The following CCDC157 variants were observed in gnomAD, a reference collection of about 807,000 sequenced individuals.
CCDC157 encodes coiled-coil domain-containing protein 157.
A neutral mutation model predicts 70.9 loss-of-function variants in CCDC157; 60 were observed. The observed-to-expected ratio is 0.85, with a 90% CI of 0.69 to 1.05. CCDC157 has a LOEUF of 1.05. Ranked by LOEUF, CCDC157 falls within the 50% of genes least tolerant of loss-of-function variation. The pLI, the probability that CCDC157 is intolerant of heterozygous loss-of-function variation, is 0.00. For synonymous variants in CCDC157, 373 were observed against 422.4 expected (o/e 0.88, Z 1.43); for missense variants, 943 against 984.2 (o/e 0.96, Z 0.56).
chr22:30,376,311 C>T lies in CCDC157; in HGVS notation c.1910C>T (p.Ala637Val). The change falls in exon 11 of 12, where the codon GCA becomes GTA. Residue 637 changes from alanine (A) to valine (V), a missense_variant. Coordinates refer to ENST00000338306, the MANE Select transcript of CCDC157 (RefSeq NM_001017437.5). The stretch of plus-strand genomic sequence containing the variant: ...CCTTCCAGCAAGGGAACCCAGGGAG[C>T]AACACCACCAGTCCAGGCCAAGAGC... ...WSPSSKGTQG[A>V]TPPVQAKSTS... is the part of the protein sequence containing the mutation. 6.2e-7 allele frequency: 1 copy of T among 1,612,908 alleles called. No individual in the cohort carries two copies. The highest frequency in any genetic ancestry group is 8.5e-7 in the Non-Finnish European group (1 of 1,179,758).
chr22:30,377,585 C>T lies in CCDC157; in HGVS notation c.*840C>T, dbSNP rs1040858877. On this transcript the variant is annotated 3_prime_UTR_variant, in exon 12 of 12. Coordinates refer to ENST00000338306, the MANE Select transcript of CCDC157 (RefSeq NM_001017437.5). ...GCTCCCAAATGCCTGAAGCATTTTC[C>T]CTTGGTGAAGAGGCCGTCAGGTAGA... 6.5e-6 allele frequency: 1 copy of T among 153,576 alleles called. No individual in the cohort carries two copies. Among genetic ancestry groups the T allele is most frequent in the East Asian group, 1.9e-4 (1 of 5,226 alleles). The allele number at this position is 153,576 out of a possible 1,614,324, so 9.5% of individuals were successfully genotyped here.
Position 30,374,086 on chromosome 22 carries a change from T to C in CCDC157, c.1667T>C (p.Ile556Thr), listed in dbSNP as rs945057855. ...CTGCACAGGCCCACCGAGACCCAGA[T>C]CCATGGTAGGGGACTGGGGATGGTG... Reference protein sequence around the residue: ...PDLHRPTETQIHGGRSSSVES... With the variant: ...PDLHRPTETQTHGGRSSSVES... The change falls in exon 9 of 12, where the codon ATC (isoleucine) becomes ACC (threonine). Residue 556 changes from isoleucine (I) to threonine (T), a missense_variant. Ile to Thr is a moderately conservative substitution (Grantham distance 89). Transcript: ENST00000338306. The C allele has an allele frequency of 5.0e-6, 8 of 1,594,392 alleles. No homozygotes were observed. Among genetic ancestry groups the C allele is most frequent in the Non-Finnish European group, 6.0e-6 (7 of 1,172,260 alleles).
rs1447733985 is a variant in CCDC157 at position 30,375,102 on chromosome 22, G to A, written c.1673-377G>A. On this transcript the variant is annotated intron_variant, in intron 9 of 11. Coordinates refer to ENST00000338306, the MANE Select transcript of CCDC157 (RefSeq NM_001017437.5). ...GCCTCCTGAGTAGCTGGGACTACGGGGGCCCGCCACCACACCCAGCTCATT... is the reference window on the plus strand; with the variant it reads ...GCCTCCTGAGTAGCTGGGACTACGGAGGCCCGCCACCACACCCAGCTCATT... 1.0e-5 allele frequency: 3 copies of A among 294,660 alleles called. No homozygotes were observed. The East Asian group carries it at 2.9e-4, about 29-fold the overall frequency. 18.3% of individuals were successfully genotyped at this position (294,660 alleles called of 1,614,324 possible).
intron 3 of CCDC157, 192 bp downstream of exon 3, chr22:30,366,440 T>C (rs1484296228): frequency 4.4e-6 from 3 of 679,404 alleles, no homozygotes. Flanking sequence ...TTGTGTTGTG[T>C]GCTGTGCTAT....
chr22:30,374,472 C>T (rs1185016725), intron 9 of CCDC157: 13 of 472,650 alleles, frequency 2.8e-5, no homozygotes, highest in South Asian at 1.4e-4. Flanking sequence ...GGGACTAGTC[C>T]CAAGGACACA....
At chr22:30,359,912 A>G (rs1932211503) in intron 1 of CCDC157, among the ~76,000 whole-genome samples, 1 of 152,226 alleles carries the variant, frequency 6.6e-6, no homozygotes, top group African/African-American at 2.4e-5. Flanking sequence ...TGAGAGGACA[A>G]GACGAAAAGA....
In CCDC157 at chr22:30,376,563, C is replaced by T. The variant is rs1231088201; in HGVS notation, c.2077C>T (p.Pro693Ser). ...GCCCTGCACATCCCCACCTCGGCAG[C>T]CCTGCACATCCCCATCTCGGCAGCC... Reference protein sequence around the residue: ...RQPCTSPPRQPCTSPSRQPCS... With the variant: ...RQPCTSPPRQSCTSPSRQPCS... The change falls in exon 12 of 12, where the codon CCC (proline) becomes TCC (serine). Residue 693 changes from proline (P) to serine (S), a missense_variant. By Grantham distance (74) the Pro-to-Ser change is moderately conservative. Coordinates refer to ENST00000338306, the MANE Select transcript of CCDC157 (RefSeq NM_001017437.5). 4.3e-6 allele frequency: 7 copies of T among 1,613,404 alleles called. No individual in the cohort carries two copies. In the East Asian group the frequency reaches 1.6e-4, roughly 36 times the overall value.
At chr22:30,374,991 ACT>A (rs1261464833) in intron 9 of CCDC157, 1 of 309,916 alleles carries the variant, frequency 3.2e-6, no homozygotes, top group Admixed American at 5.2e-5. Context: ...ACAGAGTCTC[ACT>A]CTGTTGCCAG....
chr22:30,370,274 C>T (rs1932876016), intron 4 of CCDC157, 52 bp from the exon 5 acceptor site: 3 of 1,588,042 alleles, frequency 1.9e-6, no homozygotes, highest in Non-Finnish European at 2.6e-6. Context: ...CCAGTCACCT[C>T]CCTCTCTACT....
chr22:30,373,742 A>C lies in CCDC157; in HGVS notation c.1481A>C (p.Gln494Pro), dbSNP rs1190078991. ...EQLQSEREQG[Q>P]CQLRAQQELL... ...CTGCAGAGCGAGCGGGAGCAGGGGC[A>C]ATGCCAGCTCAGGGCCCAGCAGGTG... The change falls in exon 8 of 12, where the codon CAA (glutamine) becomes CCA (proline). Residue 494 changes from glutamine (Q) to proline (P), a missense_variant. Gln to Pro is a moderately conservative substitution (Grantham distance 76). Coordinates refer to ENST00000338306, the MANE Select transcript of CCDC157 (RefSeq NM_001017437.5). The C allele has an allele frequency of 6.4e-7, 1 of 1,553,912 alleles. No individual in the cohort carries two copies. Among genetic ancestry groups the C allele is most frequent in the Non-Finnish European group, 8.7e-7 (1 of 1,149,060 alleles).
Position 30,377,810 on chromosome 22 carries a change from GGA to G in CCDC157, c.*1066_*1067del. ...AGGCCTGTGCTCAAGTCCAGGGGAA[GGA>G]CCTCACAGCTGAGTAGCTCTCTCAG... On this transcript the variant is annotated 3_prime_UTR_variant, in exon 12 of 12. Coordinates refer to ENST00000338306, the MANE Select transcript of CCDC157 (RefSeq NM_001017437.5). 7.3e-6 allele frequency: 2 copies of G among 272,364 alleles called. No individual in the cohort carries two copies. The highest frequency in any genetic ancestry group is 3.5e-5 in the South Asian group (1 of 28,494). The allele number at this position is 272,364 out of a possible 1,614,324, so 16.9% of individuals were successfully genotyped here. A position where few individuals can be genotyped will look rare whatever the true frequency, so the allele number is the denominator to read the frequency against.
Position 30,366,043 on chromosome 22 carries a change from C to T in CCDC157, c.43C>T (p.Arg15Cys), listed in dbSNP as rs773932430. The change falls in exon 3 of 12, where the codon CGC becomes TGC. Residue 15 changes from arginine (R) to cysteine (C), a missense_variant. Arg to Cys is a radical substitution (Grantham distance 180). Transcript: ENST00000338306. ...CAGCCAGGCCTGCATGGAGAGCCTG[C>T]GCACAGACCTCACCGACCTGCAGGG... ...LGSQACMESL[R>C]TDLTDLQGAI... 37 of 1,604,746 alleles carry T rather than the reference C, an allele frequency of 2.3e-5. No individual in the cohort carries two copies. The highest frequency in any genetic ancestry group is 3.3e-5 in the South Asian group (3 of 91,064).
At position 30,378,038 on chromosome 22, in the gene CCDC157, G is replaced by A. The variant is rs897775755; in HGVS notation, c.*1293G>A. The A allele has an allele frequency of 3.5e-5, 16 of 458,574 alleles. No individual in the cohort carries two copies. The highest frequency in any genetic ancestry group is 1.4e-4 in the East Asian group (2 of 14,250). The allele number at this position is 458,574 out of a possible 1,614,324, so 28.4% of individuals were successfully genotyped here. A position where few individuals can be genotyped will look rare whatever the true frequency, so the allele number is the denominator to read the frequency against. On this transcript the variant is annotated 3_prime_UTR_variant, in exon 12 of 12. Transcript: ENST00000338306. ...TTGTTGGCAGAATTCCGATCCTTGCGGCTGTGGGACTGAGGTCCCCATGTC... is the reference window on the plus strand; with the variant it reads ...TTGTTGGCAGAATTCCGATCCTTGCAGCTGTGGGACTGAGGTCCCCATGTC...
Position 30,370,575 on chromosome 22 carries a change from T to G in CCDC157, c.670T>G (p.Cys224Gly), listed in dbSNP as rs751729371. 4.3e-6 allele frequency: 7 copies of G among 1,614,004 alleles called. No homozygotes were observed. The highest frequency in any genetic ancestry group is 5.9e-6 in the Non-Finnish European group (7 of 1,180,028). Residue 224 changes from cysteine (C) to glycine (G), a missense_variant, in exon 5 of 12, where the codon TGC becomes GGC. Coordinates refer to ENST00000338306, the MANE Select transcript of CCDC157 (RefSeq NM_001017437.5). ...IETALVPCDACASVQGSLQKV... is the reference protein window; with the variant it reads ...IETALVPCDAGASVQGSLQKV... ...GACGGCCCTGGTGCCCTGTGACGCA[T>G]GCGCCAGCGTCCAGGGAAGCCTGCA...
intron 2 of CCDC157, 32 bp from the exon 3 acceptor site, chr22:30,365,958 T>C (rs1373421028): frequency 1.3e-6 from 2 of 1,535,990 alleles, no homozygotes; most frequent in Non-Finnish European, 1.7e-6. Flanking sequence ...CACGTGGCTC[T>C]GGCTGGCAGG....
chr22:30,377,141 G>T lies in CCDC157; in HGVS notation c.*396G>T, dbSNP rs1342645542. On this transcript the variant is annotated 3_prime_UTR_variant, in exon 12 of 12. Coordinates refer to ENST00000338306, the MANE Select transcript of CCDC157 (RefSeq NM_001017437.5). ...CTCAGGAAGGGGTCAGGTGGGAGTG[G>T]ACAGAGGAAGGGCCGGTGAGGATGT... The T allele has an allele frequency of 4.2e-6, 1 of 235,396 alleles. No individual in the cohort carries two copies. The highest frequency in any genetic ancestry group is 8.4e-6 in the Non-Finnish European group (1 of 118,652). The allele number at this position is 235,396 out of a possible 1,614,324, so 14.6% of individuals were successfully genotyped here. A position where few individuals can be genotyped will look rare whatever the true frequency, so the allele number is the denominator to read the frequency against.
chr22:30,376,875 C>T lies in CCDC157; in HGVS notation c.*130C>T. On this transcript the variant is annotated 3_prime_UTR_variant, in exon 12 of 12. Coordinates refer to ENST00000338306, the MANE Select transcript of CCDC157 (RefSeq NM_001017437.5). ...TGAGCCAAGGAAAGAACCCTTCCTT[C>T]CCTGTCCTGGGCAGGGGCCACTGAG... The T allele has an allele frequency of 1.0e-6, 1 of 956,622 alleles. No individual in the cohort carries two copies. The highest frequency in any genetic ancestry group is 2.5e-5 in the Admixed American group (1 of 39,388). The allele number at this position is 956,622 out of a possible 1,614,324, so 59.3% of individuals were successfully genotyped here.
rs144074608 is a variant in CCDC157 at position 30,378,574 on chromosome 22, G to A, written c.*1829G>A. The A allele has an allele frequency of 5.1e-3, 789 of 154,804 alleles. 8 individuals carry two copies. The highest frequency in any genetic ancestry group is 0.016 in the Middle Eastern group (5 of 308). The allele number at this position is 154,804 out of a possible 1,614,324, so 9.6% of individuals were successfully genotyped here. A position where few individuals can be genotyped will look rare whatever the true frequency, so the allele number is the denominator to read the frequency against. ...ACCCGGGAGGCGGAGGTTGCAGTGA[G>A]GCGAGATCACGCCATTGCACTCCAG... On this transcript the variant is annotated 3_prime_UTR_variant, in exon 12 of 12. Coordinates refer to ENST00000338306, the MANE Select transcript of CCDC157 (RefSeq NM_001017437.5).
chr22:30,358,377 T>A (rs17730978), intron 1 of CCDC157, among the ~76,000 whole-genome samples: 1 of 152,324 alleles, frequency 6.6e-6, no homozygotes, highest in South Asian at 2.1e-4. Flanking sequence ...ACAGTGAAGT[T>A]TGGAGTTGGT....
Sources: gnomAD v4.1 joint callset for allele counts (sites outside exome capture counted in the v4.1 genomes callset) on GRCh38, gnomAD v4.1.1 for gene constraint, MANE v1.5 for transcripts, NCBI Gene and HGNC (gene_info 2026-07-23, HGNC 2026-07-21) for gene names.